SHB: variants seen among roughly 807,000 people sequenced by gnomAD.
SHB encodes the protein SH2 domain-containing adapter protein B.
Under a neutral mutation model 52.3 loss-of-function variants are expected in SHB, and 20 were observed. That is an observed-to-expected ratio of 0.38 (90% CI 0.27 to 0.56). The LOEUF (loss-of-function observed/expected upper bound fraction) is 0.56. Ranked by LOEUF, SHB falls within the 20% of genes least tolerant of loss-of-function variation. The probability of loss-of-function intolerance (pLI) is 0.71; values close to 1 mark genes in which losing one functional copy is unlikely to be tolerated. For synonymous variants in SHB, 397 were observed against 316.5 expected (o/e 1.25, Z -2.70); for missense variants, 825 against 723.3 (o/e 1.14, Z -1.61).
chr9:37,994,836 G>A (rs759461916), intron 2 of SHB, among the ~76,000 whole-genome samples: 4 of 151,928 alleles, frequency 2.6e-5, no homozygotes, highest in Non-Finnish European at 5.9e-5. Context: ...CATGTATGCT[G>A]CCCTTCAATA....
At chr9:38,058,660 T>C (rs923002445) in intron 1 of SHB, among the ~76,000 whole-genome samples, 1 of 152,132 alleles carries the variant, frequency 6.6e-6, no homozygotes, top group East Asian at 1.9e-4. Context: ...TCAATGCTTG[T>C]GAGTTCCGAC....
At chr9:37,963,979 G>A (rs755600115) in intron 3 of SHB, among the ~76,000 whole-genome samples, 2 of 152,144 alleles carry the variant, frequency 1.3e-5, no homozygotes, top group African/African-American at 2.4e-5. Context: ...TGACACAACC[G>A]AGGCCCAGAG....
At chr9:37,934,347 G>C (rs1832345279) in intron 5 of SHB, among the ~76,000 whole-genome samples, 1 of 152,226 alleles carries the variant, frequency 6.6e-6, no homozygotes, top group Admixed American at 6.5e-5. Context: ...GTCCAGGCTG[G>C]AGTGCAGTGG....
chr9:37,974,969 C>T (rs1284969620), intron 2 of SHB, 132 bp from the exon 3 acceptor site: 1 of 782,424 alleles, frequency 1.3e-6, no homozygotes, highest in Admixed American at 2.4e-5. Context: ...AGACCCCTGT[C>T]TGGGTTTTAC....
In SHB at chr9:38,068,550, G is replaced by A. The variant is rs1268315679; in HGVS notation, c.96C>T (p.Arg32=). The A allele has an allele frequency of 6.9e-7, 1 of 1,459,618 alleles. No homozygotes were observed. Among genetic ancestry groups the A allele is most frequent in the South Asian group, 1.4e-5 (1 of 72,332 alleles). The allele number at this position is 1,459,618 out of a possible 1,614,324, so 90.4% of individuals were successfully genotyped here. A position where few individuals can be genotyped will look rare whatever the true frequency, so the allele number is the denominator to read the frequency against. ...PPRPDYREQR[R]RGERPSQPPQ... is the part of the protein sequence containing the mutation. ...GGGGCTGCGAAGGCCGCTCGCCTCGGCGCCGCTGCTCGCGGTAGTCTGGCC... is the reference window on the plus strand; with the variant it reads ...GGGGCTGCGAAGGCCGCTCGCCTCGACGCCGCTGCTCGCGGTAGTCTGGCC... The change falls in exon 1 of 6, where the codon CGC becomes CGT. Residue 32 remains arginine (R), a synonymous_variant. Transcript: ENST00000377707.
rs10973611 is a variant in SHB at position 37,918,440 on chromosome 9, T to C, written c.*1381A>G. On this transcript the variant is annotated 3_prime_UTR_variant, in exon 6 of 6. Transcript: ENST00000377707. ...TGAGGGCTGTGTGTGTGTGTGTGTG[T>C]GTGTGTAGGTGTTCTTGTGTGTGGA... Among the ~76,000 whole-genome samples, 2 of 113,462 alleles carry C rather than the reference T, an allele frequency of 1.8e-5. No homozygotes were observed. The highest frequency in any genetic ancestry group is 8.3e-5 in the Admixed American group (1 of 11,996). The allele number at this position is 113,462 out of a possible 152,430, so 74.4% of individuals were successfully genotyped here. A position where few individuals can be genotyped will look rare whatever the true frequency, so the allele number is the denominator to read the frequency against.
chr9:37,934,996 A>G (rs1161939331), intron 5 of SHB, among the ~76,000 whole-genome samples: 1 of 152,234 alleles, frequency 6.6e-6, no homozygotes, highest in African/African-American at 2.4e-5. Context: ...ATCCCACAGA[A>G]GTAAAACAGG....
At chr9:38,002,390 A>G (rs557303338) in intron 2 of SHB, among the ~76,000 whole-genome samples, 2 of 152,262 alleles carry the variant, frequency 1.3e-5, no homozygotes, top group African/African-American at 4.8e-5. Context: ...AAAAGCCATC[A>G]CTCCCTGCAG....
chr9:38,052,578 G>T (rs1209129530), intron 1 of SHB, among the ~76,000 whole-genome samples: 2 of 152,276 alleles, frequency 1.3e-5, no homozygotes, highest in East Asian at 3.9e-4. Context: ...GGCCCTTGGT[G>T]CCTCTGCCTA....
intron 4 of SHB, among the ~76,000 whole-genome samples, chr9:37,950,994 G>A (rs972398039): frequency 3.3e-5 from 5 of 152,152 alleles, no homozygotes; most frequent in African/African-American, 9.7e-5. Context: ...TGAGAGTTCC[G>A]GCACTGACAT....
Position 38,067,910 on chromosome 9 carries a change from A to T in SHB, c.717+19T>A. The T allele has an allele frequency of 1.4e-6, 2 of 1,454,854 alleles. No homozygotes were observed. The highest frequency in any genetic ancestry group is 5.5e-5 in the Admixed American group (2 of 36,354). 90.1% of individuals were successfully genotyped at this position (1,454,854 alleles called of 1,614,324 possible). Reference sequence around the variant, plus strand: ...ACCGTGGCTCTGGAACCTCGGGAAGAGGCCAAGGGGCACCTTACCTTGTCC... The same window carrying T: ...ACCGTGGCTCTGGAACCTCGGGAAGTGGCCAAGGGGCACCTTACCTTGTCC... On this transcript the variant is annotated intron_variant, in intron 1 of 5. Transcript: ENST00000377707.
At chr9:37,991,332 C>T (rs771796853) in intron 2 of SHB, among the ~76,000 whole-genome samples, 8 of 152,202 alleles carry the variant, frequency 5.3e-5, no homozygotes, top group African/African-American at 9.7e-5. Flanking sequence ...CAGGGCTCCA[C>T]GCTTTCAGGG....
At chr9:38,000,898 G>A (rs1347453349) in intron 2 of SHB, among the ~76,000 whole-genome samples, 2 of 152,132 alleles carry the variant, frequency 1.3e-5, no homozygotes, top group Non-Finnish European at 2.9e-5. Context: ...TGTGACTTCG[G>A]GAAAGTCCCT....
chr9:38,012,728 G>A (rs1437357305), intron 2 of SHB, among the ~76,000 whole-genome samples: 8 of 151,204 alleles, frequency 5.3e-5, no homozygotes, highest in Admixed American at 2.0e-4. Context: ...GTACAGGTAC[G>A]CCACCTGCGG....
chr9:37,942,420 C>T (rs1832444930), intron 5 of SHB, among the ~76,000 whole-genome samples: 1 of 152,212 alleles, frequency 6.6e-6, no homozygotes, highest in Non-Finnish European at 1.5e-5. Flanking sequence ...AATCAGACCC[C>T]AGACCCTCAT....
rs16924398 is a variant in SHB at position 37,918,874 on chromosome 9, C to T, written c.*947G>A. On this transcript the variant is annotated 3_prime_UTR_variant, in exon 6 of 6. Coordinates refer to ENST00000377707, the MANE Select transcript of SHB (RefSeq NM_003028.3). Reference sequence around the variant, plus strand: ...TTTGGTCAACACTGGAGGCTCCTGACTATGTCCACTGCTGAAGCCTGAACT... The same window carrying T: ...TTTGGTCAACACTGGAGGCTCCTGATTATGTCCACTGCTGAAGCCTGAACT... 2.8e-3 allele frequency among the ~76,000 whole-genome samples: 423 copies of T among 152,270 alleles called. 2 individuals are homozygous for T. Among genetic ancestry groups the T allele is most frequent in the African/African-American group, 9.6e-3 (401 of 41,560 alleles).
intron 5 of SHB, 77 bp from the exon 6 acceptor site, chr9:37,920,081 G>T: frequency 8.8e-7 from 1 of 1,133,618 alleles, no homozygotes. Flanking sequence ...TCAGCTGTCT[G>T]GGACAGAAGG....
intron 3 of SHB, among the ~76,000 whole-genome samples, chr9:37,961,212 C>T (rs1458475278): frequency 6.6e-6 from 1 of 152,242 alleles, no homozygotes; most frequent in Non-Finnish European, 1.5e-5. Flanking sequence ...ATCCACACCA[C>T]TCTTCTCAGT....
At chr9:37,945,060 G>T (rs1832476897) in intron 5 of SHB, among the ~76,000 whole-genome samples, 2 of 152,128 alleles carry the variant, frequency 1.3e-5, no homozygotes, top group African/African-American at 4.8e-5. Context: ...ATCTGCTGAG[G>T]GAAGGGTGCA....
Sources: allele counts gnomAD v4.1 joint callset (sites outside exome capture counted in the v4.1 genomes callset), GRCh38; gene constraint gnomAD v4.1.1; transcripts MANE v1.5; gene names NCBI Gene and HGNC (gene_info 2026-07-23, HGNC 2026-07-21).